GRB14: variants seen among roughly 807,000 people sequenced by gnomAD.
The protein encoded by GRB14 is growth factor receptor bound protein 14.
A neutral mutation model predicts 69.1 loss-of-function variants in GRB14; 38 were observed. The observed-to-expected ratio is 0.55, with a 90% CI of 0.42 to 0.72. The LOEUF (loss-of-function observed/expected upper bound fraction) is 0.72, where lower values mean the gene tolerates loss of function less well. Among genes scored for constraint, GRB14 ranks in the 30% least tolerant of loss-of-function variants. GRB14 has a pLI of 0.00. For synonymous variants in GRB14, 247 were observed against 241.3 expected (o/e 1.02, Z -0.22); for missense variants, 666 against 666.1 (o/e 1.00, Z 0.00).
chr2:164,498,348 A>C (rs1686959766), intron 9 of GRB14, among the ~76,000 whole-genome samples: 1 of 152,146 alleles, frequency 6.6e-6, no homozygotes. Flanking sequence ...GTTGAAAGTA[A>C]AATATGCAAA....
chr2:164,497,084 A>G lies in GRB14; in HGVS notation c.1306T>C (p.Ser436Pro). Residue 436 changes from serine to proline, a missense_variant, in exon 12 of 14, where the codon TCC becomes CCC. Coordinates refer to ENST00000263915, the MANE Select transcript of GRB14 (RefSeq NM_004490.3). ...ATTTTGTGGTGAAACCATGGCTGGG[A>G]CCGGTGGATAGCTAAAGAAATAGGA... ...SSATNMAIHRSQPWFHHKISR... is the reference protein window; with the variant it reads ...SSATNMAIHRPQPWFHHKISR... 1 of 1,613,686 alleles carries G rather than the reference A, an allele frequency of 6.2e-7. No homozygotes were observed. The highest frequency in any genetic ancestry group is 8.5e-7 in the Non-Finnish European group (1 of 1,179,670).
intron 2 of GRB14, among the ~76,000 whole-genome samples, chr2:164,587,773 G>T (rs1689572367): frequency 1.3e-5 from 2 of 152,070 alleles, no homozygotes; most frequent in Admixed American, 1.3e-4. Flanking sequence ...ATCTCCCCAA[G>T]AATTTTGTCA....
At chr2:164,589,517 G>A (rs930511824) in intron 2 of GRB14, among the ~76,000 whole-genome samples, 2 of 152,118 alleles carry the variant, frequency 1.3e-5, no homozygotes, top group African/African-American at 4.8e-5. Flanking sequence ...GCCAGCATGT[G>A]CACAGATCAC....
chr2:164,564,198 A>G (rs1040339309), intron 2 of GRB14, among the ~76,000 whole-genome samples: 7 of 152,210 alleles, frequency 4.6e-5, no homozygotes, highest in African/African-American at 1.7e-4. Context: ...GCAGAGCACA[A>G]TTCTGGGAGC....
At chr2:164,564,948 G>C (rs1688933141) in intron 2 of GRB14, among the ~76,000 whole-genome samples, 1 of 152,300 alleles carries the variant, frequency 6.6e-6, no homozygotes, top group African/African-American at 2.4e-5. Flanking sequence ...CCAGGAGGCA[G>C]AGGTTGCAGT....
intron 9 of GRB14, 98 bp downstream of exon 9, chr2:164,502,157 A>G (rs1397309830): frequency 4.9e-6 from 3 of 616,352 alleles, no homozygotes; most frequent in Non-Finnish European, 5.9e-6. Flanking sequence ...CCAACAGAAA[A>G]TAACATAAAT....
At chr2:164,598,053 C>T (rs962998276) in intron 2 of GRB14, among the ~76,000 whole-genome samples, 1 of 151,962 alleles carries the variant, frequency 6.6e-6, no homozygotes, top group Non-Finnish European at 1.5e-5. Flanking sequence ...TGCATTGAGA[C>T]CCTAGAACCT....
At chr2:164,505,573 G>C (rs1687167284) in intron 8 of GRB14, among the ~76,000 whole-genome samples, 1 of 151,922 alleles carries the variant, frequency 6.6e-6, no homozygotes, top group African/African-American at 2.4e-5. Flanking sequence ...AGAAAAGCCA[G>C]GCTTAGAATA....
At chr2:164,587,985 C>A (rs1183590159) in intron 2 of GRB14, among the ~76,000 whole-genome samples, 1 of 152,156 alleles carries the variant, frequency 6.6e-6, no homozygotes, top group Non-Finnish European at 1.5e-5. Context: ...TAAAGGACTG[C>A]ATTCCTTCAG....
intron 3 of GRB14, among the ~76,000 whole-genome samples, chr2:164,535,131 CT>C (rs1688048191): frequency 6.6e-6 from 1 of 152,024 alleles, no homozygotes; most frequent in African/African-American, 2.4e-5. Context: ...ATTTTAAAGG[CT>C]TTTTCAAAAC....
intron 2 of GRB14, among the ~76,000 whole-genome samples, chr2:164,600,967 G>C (rs1475031167): frequency 6.6e-6 from 1 of 151,940 alleles, no homozygotes; most frequent in South Asian, 2.1e-4. Context: ...AAGTGACCTG[G>C]GTTCTTTCCA....
At chr2:164,530,825 G>A (rs1489838875) in intron 3 of GRB14, among the ~76,000 whole-genome samples, 1 of 152,168 alleles carries the variant, frequency 6.6e-6, no homozygotes, top group South Asian at 2.1e-4. Flanking sequence ...CTCTGTGTTA[G>A]ATGGGAAGTC....
intron 8 of GRB14, among the ~76,000 whole-genome samples, chr2:164,504,828 G>C (rs1325789428): frequency 6.6e-6 from 1 of 152,152 alleles, no homozygotes; most frequent in East Asian, 1.9e-4. Flanking sequence ...GATGGTCCTG[G>C]ATTATCCATG....
intron 2 of GRB14, among the ~76,000 whole-genome samples, chr2:164,608,803 G>A (rs936486437): frequency 4.2e-4 from 64 of 152,126 alleles, no homozygotes; most frequent in African/African-American, 1.5e-3. Flanking sequence ...TATTTCTTAT[G>A]TTTTTCAGGA....
At chr2:164,593,063 G>T (rs1198363220) in intron 2 of GRB14, among the ~76,000 whole-genome samples, 1 of 152,088 alleles carries the variant, frequency 6.6e-6, no homozygotes, top group Non-Finnish European at 1.5e-5. Context: ...TTCCTGTAAA[G>T]GCACCAAGAA....
chr2:164,583,971 G>A (rs901445245), intron 2 of GRB14, among the ~76,000 whole-genome samples: 3 of 151,218 alleles, frequency 2.0e-5, no homozygotes, highest in Non-Finnish European at 4.4e-5. Context: ...ATATTATTAT[G>A]CAGAATTTAG....
intron 2 of GRB14, among the ~76,000 whole-genome samples, chr2:164,603,819 C>A (rs1193024326): frequency 1.3e-5 from 2 of 151,888 alleles, no homozygotes; most frequent in South Asian, 2.1e-4. Flanking sequence ...AAAGTTAAAG[C>A]AAGTCACAAT....
chr2:164,566,018 A>T (rs971067222), intron 2 of GRB14, among the ~76,000 whole-genome samples: 1 of 152,098 alleles, frequency 6.6e-6, no homozygotes, highest in African/African-American at 2.4e-5. Context: ...CTTTTAAATG[A>T]TTAGGATTCC....
chr2:164,531,961 T>C (rs1389130063), intron 3 of GRB14, among the ~76,000 whole-genome samples: 1 of 152,160 alleles, frequency 6.6e-6, no homozygotes, highest in Admixed American at 6.5e-5. Context: ...AGTATTGTAG[T>C]GCCACATTCC....
Sources: allele counts gnomAD v4.1 joint callset (sites outside exome capture counted in the v4.1 genomes callset), GRCh38; gene constraint gnomAD v4.1.1; transcripts MANE v1.5; gene names NCBI Gene and HGNC (gene_info 2026-07-23, HGNC 2026-07-21).